Variants in NALCN observed in about 807,000 individuals in gnomAD.
NALCN encodes sodium leak channel NALCN.
Under a neutral mutation model 225.3 loss-of-function variants are expected in NALCN, and 111 were observed. The ratio of observed to expected loss-of-function variants is 0.49; its 90% CI spans 0.42 to 0.58. The LOEUF (loss-of-function observed/expected upper bound fraction) is 0.58. Ranked by LOEUF, NALCN falls within the 20% of genes least tolerant of loss-of-function variation. The pLI, the probability that NALCN is intolerant of heterozygous loss-of-function variation, is 0.00. For missense variants in NALCN, 1,378 were observed against 2,202.4 expected, an observed-to-expected ratio of 0.63 and a Z score of 7.49; for synonymous variants, 764 against 769.0, an observed-to-expected ratio of 0.99 and a Z score of 0.11.
chr13:101,217,145 A>G (rs1384091919), intron 13 of NALCN, among the ~76,000 whole-genome samples: 1 of 140,122 alleles, frequency 7.1e-6, no homozygotes, highest in African/African-American at 2.8e-5. Context: ...TCTATAATAA[A>G]TGGAGGAAAA....
At chr13:101,253,821 G>A (rs1594532919) in intron 11 of NALCN, among the ~76,000 whole-genome samples, 2 of 152,128 alleles carry the variant, frequency 1.3e-5, no homozygotes, top group South Asian at 2.1e-4. Flanking sequence ...GACAGAGAGA[G>A]GGTGGTCTAC....
chr13:101,140,298 C>T (rs536016352), intron 17 of NALCN, among the ~76,000 whole-genome samples: 1 of 152,318 alleles, frequency 6.6e-6, no homozygotes, highest in South Asian at 2.1e-4. Context: ...GACTCCTCCT[C>T]AGCCCGGCAC....
At chr13:101,289,215 C>G (rs1207263370) in intron 9 of NALCN, among the ~76,000 whole-genome samples, 1 of 152,192 alleles carries the variant, frequency 6.6e-6, no homozygotes, top group East Asian at 1.9e-4. Flanking sequence ...TCACAAGGCT[C>G]TCAGAGGCCA....
intron 15 of NALCN, among the ~76,000 whole-genome samples, chr13:101,157,208 A>C (rs938131812): frequency 1.3e-5 from 2 of 152,154 alleles, no homozygotes; most frequent in Non-Finnish European, 2.9e-5. Flanking sequence ...AGCTAAATAC[A>C]TGTATGTGTG....
intron 15 of NALCN, among the ~76,000 whole-genome samples, chr13:101,174,904 C>T (rs1477077870): frequency 7.9e-5 from 12 of 152,096 alleles, no homozygotes; most frequent in Admixed American, 7.9e-4. Context: ...CAGCTCAATA[C>T]CAGATTTGTA....
chr13:101,291,331 A>C (rs1051994256), intron 9 of NALCN, among the ~76,000 whole-genome samples: 4 of 152,212 alleles, frequency 2.6e-5, no homozygotes, highest in African/African-American at 9.6e-5. Flanking sequence ...ATACCCATAA[A>C]AGTAAGAAAT....
chr13:101,401,667 A>G (rs1414928322), intron 1 of NALCN, among the ~76,000 whole-genome samples: 4 of 152,178 alleles, frequency 2.6e-5, no homozygotes, highest in Admixed American at 1.3e-4. Context: ...CTTTGGTTAT[A>G]TCTGACCAAC....
At chr13:101,313,893 A>G (rs1320704391) in intron 7 of NALCN, among the ~76,000 whole-genome samples, 1 of 152,142 alleles carries the variant, frequency 6.6e-6, no homozygotes, top group Non-Finnish European at 1.5e-5. Flanking sequence ...TCACAATAGC[A>G]AAGACTTGGA....
intron 7 of NALCN, among the ~76,000 whole-genome samples, chr13:101,343,322 A>C (rs2045615635): frequency 6.6e-6 from 1 of 152,232 alleles, no homozygotes; most frequent in South Asian, 2.1e-4. Flanking sequence ...GTGATGATGA[A>C]TTTGGGAAAA....
At chr13:101,408,048 T>A (rs1381404133) in intron 1 of NALCN, among the ~76,000 whole-genome samples, 1 of 152,172 alleles carries the variant, frequency 6.6e-6, no homozygotes, top group African/African-American at 2.4e-5. Context: ...AAGTGCCTTG[T>A]CTGAGGTCAC....
chr13:101,121,346 A>AT (rs2035964183), intron 18 of NALCN, among the ~76,000 whole-genome samples: 1 of 152,126 alleles, frequency 6.6e-6, no homozygotes, highest in Non-Finnish European at 1.5e-5. Context: ...AATACTTGTT[A>AT]TTTTTTGGAA....
At chr13:101,191,031 C>T (rs1467232841) in intron 14 of NALCN, among the ~76,000 whole-genome samples, 1 of 152,150 alleles carries the variant, frequency 6.6e-6, no homozygotes, top group Non-Finnish European at 1.5e-5. Flanking sequence ...GGAATACTAT[C>T]TAATCGGGTG....
rs374816620 is a variant in NALCN, at chr13:101,142,382, TCCAC to T, written c.2118+694_2118+697del. 4.8e-3 allele frequency among the ~76,000 whole-genome samples: 732 copies of T among 152,170 alleles called. 12 individuals carry two copies. The highest frequency in any genetic ancestry group is 0.017 in the African/African-American group (697 of 41,504). ...GTCTCGAACTTCTGACCTCAAGTGA[TCCAC>T]CCGCCTCGGCCTCCCAAAGTGCTGG... On this transcript the variant is annotated intron_variant, in intron 17 of 43. Coordinates refer to ENST00000251127, the MANE Select transcript of NALCN (RefSeq NM_052867.4).
intron 11 of NALCN, among the ~76,000 whole-genome samples, chr13:101,250,698 T>C (rs1485291971): frequency 6.6e-6 from 1 of 151,852 alleles, no homozygotes; most frequent in East Asian, 1.9e-4. Flanking sequence ...CAAAAAGCAC[T>C]GAATCAAAAA....
chr13:101,401,490 A>G (rs1206927008), intron 1 of NALCN, among the ~76,000 whole-genome samples: 3 of 152,198 alleles, frequency 2.0e-5, no homozygotes, highest in Non-Finnish European at 2.9e-5. Flanking sequence ...AATTTTAGAG[A>G]TCTGTCCACA....
At chr13:101,374,394 GC>G (rs35331822) in intron 6 of NALCN, among the ~76,000 whole-genome samples, 2,872 of 150,168 alleles carry the variant, frequency 0.019, 28 homozygotes, top group Admixed American at 0.029. Flanking sequence ...TCTTGTCTCA[GC>G]CTCCCGATCA....
chr13:101,215,264 C>T (rs1413854181), intron 13 of NALCN, among the ~76,000 whole-genome samples: 2 of 152,090 alleles, frequency 1.3e-5, no homozygotes, highest in African/African-American at 4.8e-5. Flanking sequence ...GATACATACC[C>T]TAAAAAGAAT....
At chr13:101,070,073 T>TTTTTTG (rs2032749487) in intron 37 of NALCN, among the ~76,000 whole-genome samples, 2 of 141,010 alleles carry the variant, frequency 1.4e-5, no homozygotes, top group Non-Finnish European at 3.1e-5. Flanking sequence ...GTTTTTTTTT[T>TTTTTTG]TTTTTTTTTT....
intron 35 of NALCN, 38 bp downstream of exon 35, chr13:101,075,835 T>C (rs573977176): frequency 7.0e-5 from 108 of 1,547,936 alleles, no homozygotes; most frequent in Admixed American, 6.8e-4. Context: ...TTAACACATA[T>C]ATGACCTTTA....
Sources: allele counts gnomAD v4.1 joint callset (sites outside exome capture counted in the v4.1 genomes callset), GRCh38; gene constraint gnomAD v4.1.1; transcripts MANE v1.5; gene names NCBI Gene and HGNC (gene_info 2026-07-23, HGNC 2026-07-21).